Variants in SLC28A3 observed in about 807,000 individuals in gnomAD.
SLC28A3 encodes concentrative Na(+)-nucleoside cotransporter 3.
A neutral mutation model predicts 84.2 loss-of-function variants in SLC28A3; 68 were observed. That is an observed-to-expected ratio of 0.81 (90% CI 0.66 to 0.99). SLC28A3 has a LOEUF of 0.99. Ranked by LOEUF, SLC28A3 falls within the 50% of genes least tolerant of loss-of-function variation. The probability of loss-of-function intolerance (pLI) is 0.00; values close to 1 mark genes in which losing one functional copy is unlikely to be tolerated. For missense variants in SLC28A3, 712 were observed against 841.5 expected, an observed-to-expected ratio of 0.85 and a Z score of 1.90; for synonymous variants, 267 against 303.6, an observed-to-expected ratio of 0.88 and a Z score of 1.25.
intron 1 of SLC28A3, among the ~76,000 whole-genome samples, chr9:84,316,585 C>T (rs1349230374): frequency 3.9e-5 from 6 of 152,222 alleles, no homozygotes; most frequent in Admixed American, 2.6e-4. Flanking sequence ...GCAGGAGGCT[C>T]ACCCCGGCTC....
At chr9:84,323,810 C>T (rs1311163065) in intron 1 of SLC28A3, among the ~76,000 whole-genome samples, 1 of 137,568 alleles carries the variant, frequency 7.3e-6, no homozygotes, top group Non-Finnish European at 1.7e-5. Context: ...CAATGACATC[C>T]CCCTCCCCTC....
chr9:84,288,736 G>C (rs1044721219), intron 11 of SLC28A3, among the ~76,000 whole-genome samples: 1 of 152,076 alleles, frequency 6.6e-6, no homozygotes, highest in African/African-American at 2.4e-5. Flanking sequence ...AGTAGAGATG[G>C]GGTTTCAACC....
intron 6 of SLC28A3, among the ~76,000 whole-genome samples, chr9:84,298,989 C>T (rs938084068): frequency 3.3e-5 from 5 of 152,126 alleles, no homozygotes; most frequent in Non-Finnish European, 5.9e-5. Flanking sequence ...ATTAGTTGAA[C>T]TTGGTCTCTG....
chr9:84,328,537 T>A (rs955825612), intron 1 of SLC28A3, among the ~76,000 whole-genome samples: 1 of 151,974 alleles, frequency 6.6e-6, no homozygotes, highest in Non-Finnish European at 1.5e-5. Flanking sequence ...GGCGGGTGGA[T>A]CACCTGAGGT....
chr9:84,304,286 C>G (rs1463411362), intron 4 of SLC28A3, among the ~76,000 whole-genome samples: 9 of 152,194 alleles, frequency 5.9e-5, no homozygotes. Flanking sequence ...CCCTACTGTT[C>G]CCTATTCCAA....
chr9:84,350,793 C>T, the SLC28A3 span, among the ~76,000 whole-genome samples: 28 of 152,152 alleles, frequency 1.8e-4, no homozygotes, highest in African/African-American at 6.0e-4. Context: ...CTCACTGCAA[C>T]CTCCACCTCC....
At chr9:84,280,379 A>C (rs148214005) in intron 15 of SLC28A3, among the ~76,000 whole-genome samples, 182 of 152,278 alleles carry the variant, frequency 1.2e-3, no homozygotes, top group African/African-American at 4.2e-3. Flanking sequence ...AAGGCAAAAG[A>C]GTGGCAGGAG....
Position 84,276,746 on chromosome 9 carries a change from C to T in SLC28A3, c.*1472G>A, listed in dbSNP as rs138025426. On this transcript the variant is annotated 3_prime_UTR_variant, in exon 18 of 18. Transcript: ENST00000376238. ...CATTAGGCCTCCTCCTTCACCACCA[C>T]AAAAAACAAAACACACAAAAAACCC... 1.3e-3 allele frequency: 201 copies of T among 152,306 alleles called. 1 individual carries two copies. The highest frequency in any genetic ancestry group is 4.7e-3 in the African/African-American group (194 of 41,566). 9.4% of individuals were successfully genotyped at this position (152,306 alleles called of 1,614,324 possible).
Position 84,279,336 on chromosome 9 carries a change from C to G in SLC28A3, c.1878G>C (p.Glu626Asp), listed in dbSNP as rs141990386. ...CAGGGAAAGTGGAGTTGAAGGCATTCTCTAAAACGTGATGGCAGTTGATGT... is the reference window on the plus strand; with the variant it reads ...CAGGGAAAGTGGAGTTGAAGGCATTGTCTAAAACGTGATGGCAGTTGATGT... ...PVDINCHHVL[E>D]NAFNSTFPGN... Residue 626 changes from glutamate (E) to aspartate (D), a missense_variant, in exon 17 of 18, where the codon GAG becomes GAC. By Grantham distance (45) the Glu-to-Asp change is conservative. Coordinates refer to ENST00000376238, the MANE Select transcript of SLC28A3 (RefSeq NM_001199633.2). 1.8e-3 allele frequency: 2,923 copies of G among 1,613,176 alleles called. 3 individuals are homozygous for G. The highest frequency in any genetic ancestry group is 2.3e-3 in the Non-Finnish European group (2,671 of 1,179,430).
intron 1 of SLC28A3, among the ~76,000 whole-genome samples, chr9:84,328,530 G>T (rs1029409262): frequency 6.6e-6 from 1 of 151,900 alleles, no homozygotes; most frequent in Non-Finnish European, 1.5e-5. Flanking sequence ...AGGCTGAGGC[G>T]GGTGGATCAC....
upstream of SLC28A3, among the ~76,000 whole-genome samples, chr9:84,344,008 C>A (rs182893916): frequency 6.6e-6 from 1 of 152,192 alleles, no homozygotes; most frequent in African/African-American, 2.4e-5. Context: ...GGAAGACTTA[C>A]TGGCCATGGG....
At chr9:84,292,493 C>CTG (rs1825271265) in intron 10 of SLC28A3, 175 bp downstream of exon 10, 3 of 521,722 alleles carry the variant, frequency 5.8e-6, no homozygotes, top group Non-Finnish European at 1.0e-5. Context: ...CTCTCTCTCT[C>CTG]TCTGTCTCTC....
intron 1 of SLC28A3, among the ~76,000 whole-genome samples, chr9:84,318,634 T>A (rs1385108522): frequency 6.6e-6 from 1 of 152,156 alleles, no homozygotes. Context: ...TTTGGAAGGC[T>A]GAGGAGGTTG....
At chr9:84,345,422 A>G (rs7851030), upstream of SLC28A3, among the ~76,000 whole-genome samples, 8,220 of 152,240 alleles carry the variant, frequency 0.054, 447 homozygotes, top group East Asian at 0.17. Context: ...TTACTTTCTG[A>G]AGCAAAAGAC....
At chr9:84,327,153 C>T (rs561499523) in intron 1 of SLC28A3, among the ~76,000 whole-genome samples, 22 of 152,206 alleles carry the variant, frequency 1.4e-4, no homozygotes, top group Middle Eastern at 3.4e-3. Context: ...AGAATTCAAT[C>T]TCTTTCTCCT....
chr9:84,275,495 G>A lies in SLC28A3; in HGVS notation c.*2723C>T, dbSNP rs760467776. ...GACCAACAGCAACAATCTGTCAACA[G>A]TGAGCGGGCTCAAACAGCTGAAAAA... On this transcript the variant is annotated 3_prime_UTR_variant, in exon 18 of 18. Transcript: ENST00000376238. The A allele has an allele frequency of 6.6e-6, 1 of 152,334 alleles. No individual in the cohort carries two copies. The highest frequency in any genetic ancestry group is 1.5e-5 in the Non-Finnish European group (1 of 68,146). The allele number at this position is 152,334 out of a possible 1,614,324, so 9.4% of individuals were successfully genotyped here. A position where few individuals can be genotyped will look rare whatever the true frequency, so the allele number is the denominator to read the frequency against.
chr9:84,305,926 A>G (rs1021194542), intron 3 of SLC28A3, among the ~76,000 whole-genome samples: 3 of 152,090 alleles, frequency 2.0e-5, no homozygotes, highest in African/African-American at 7.2e-5. Flanking sequence ...TTTCTCAGAA[A>G]GCTCTGGAGT....
chr9:84,310,058 G>T (rs1220911533), intron 2 of SLC28A3, among the ~76,000 whole-genome samples: 5 of 152,144 alleles, frequency 3.3e-5, no homozygotes, highest in Non-Finnish European at 1.5e-5. Context: ...ACTAAATGAA[G>T]TTAATACCAG....
intron 1 of SLC28A3, among the ~76,000 whole-genome samples, chr9:84,329,271 C>A (rs1273403746): frequency 1.3e-5 from 2 of 152,142 alleles, no homozygotes; most frequent in Non-Finnish European, 2.9e-5. Flanking sequence ...TCATCAATAG[C>A]TGGATATTTC....
Sources: allele counts gnomAD v4.1 joint callset (sites outside exome capture counted in the v4.1 genomes callset), GRCh38; gene constraint gnomAD v4.1.1; transcripts MANE v1.5; gene names NCBI Gene and HGNC (gene_info 2026-07-23, HGNC 2026-07-21).